Variants in CAMSAP3 observed in about 807,000 individuals in gnomAD.
CAMSAP3 encodes calmodulin regulated spectrin associated protein family member 3, also known as calmodulin-regulated spectrin-associated protein 3.
A neutral mutation model predicts 112.5 loss-of-function variants in CAMSAP3; 34 were observed. That is an observed-to-expected ratio of 0.30 (90% CI 0.23 to 0.40). CAMSAP3 has a LOEUF of 0.40. Ranked by LOEUF, CAMSAP3 falls within the 10% of genes least tolerant of loss-of-function variation. The pLI is 1.00. For synonymous variants in CAMSAP3, 868 were observed against 799.8 expected, an observed-to-expected ratio of 1.09 and a Z score of -1.44; for missense variants, 1,602 against 1,770.3, an observed-to-expected ratio of 0.90 and a Z score of 1.71.
intron 2 of CAMSAP3, 115 bp from the exon 3 acceptor site, chr19:7,606,156 A>ACCCCCCCCCCC (rs57108239): frequency 1.8e-5 from 4 of 227,820 alleles, no homozygotes; most frequent in African/African-American, 1.3e-4. Context: ...CTCAAGCCCC[A>ACCCCCCCCCCC]CCCCCCCCGT....
intron 4 of CAMSAP3, 104 bp from the exon 5 acceptor site, chr19:7,608,022 C>T (rs1194112568): frequency 3.5e-5 from 49 of 1,419,564 alleles, no homozygotes; most frequent in Non-Finnish European, 4.6e-5. Flanking sequence ...CCCCAGCTTC[C>T]CGCCCCCTCA....
intron 4 of CAMSAP3, 36 bp downstream of exon 4, chr19:7,606,607 G>A (rs1157428655): frequency 2.0e-6 from 3 of 1,517,794 alleles, no homozygotes; most frequent in Non-Finnish European, 8.8e-7. Flanking sequence ...GAAGGATGGG[G>A]GACCGGAGAT....
chr19:7,612,544 T>A lies in CAMSAP3; in HGVS notation c.2051T>A (p.Phe684Tyr). The A allele has an allele frequency of 6.5e-7, 1 of 1,536,308 alleles. No homozygotes were observed. The highest frequency in any genetic ancestry group is 8.7e-7 in the Non-Finnish European group (1 of 1,145,418). ...ACCTCACGGCCCAAGGCAGTGACCT[T>A]CTCGCCAGACCTGGGCCCGGTGCCC... ...EPTSRPKAVT[F>Y]SPDLGPVPHE... The change falls in exon 11 of 17, where the codon TTC (phenylalanine) becomes TAC (tyrosine). Residue 684 changes from phenylalanine (F) to tyrosine (Y), a missense_variant. Physicochemically the swap from Phe to Tyr is conservative, Grantham distance 22 (BLOSUM62 3). Around this residue, in one of 6 missense-constraint regions of CAMSAP3, gnomAD observed 1,100 missense variants for 1,135.7 expected, o/e 0.97. Coordinates refer to ENST00000160298, the MANE Select transcript of CAMSAP3 (RefSeq NM_020902.2).
At chr19:7,602,203 T>C (rs1436985815) in intron 1 of CAMSAP3, among the ~76,000 whole-genome samples, 1 of 152,246 alleles carries the variant, frequency 6.6e-6, no homozygotes, top group Non-Finnish European at 1.5e-5. Context: ...AATGTACTAC[T>C]GACGTCTAGT....
At position 7,606,304 on chromosome 19, in the gene CAMSAP3, G is replaced by A. The variant is rs1456749327; in HGVS notation, c.436G>A (p.Ala146Thr). The A allele has an allele frequency of 6.2e-7, 1 of 1,613,748 alleles. No homozygotes were observed. Among genetic ancestry groups the A allele is most frequent in the Admixed American group, 1.7e-5 (1 of 60,022 alleles). ...CCTAGCTGTCATTGATGCCCTCATGGCTGCCTTTGCCTTCGAGTGGACAAA... is the reference window on the plus strand; with the variant it reads ...CCTAGCTGTCATTGATGCCCTCATGACTGCCTTTGCCTTCGAGTGGACAAA... Reference protein sequence around the residue: ...AHLAVIDALMAAFAFEWTKTL... With the variant: ...AHLAVIDALMTAFAFEWTKTL... Residue 146 changes from alanine (A) to threonine (T), a missense_variant, in exon 3 of 17, where the codon GCT becomes ACT. By Grantham distance (58) the Ala-to-Thr change is moderately conservative. Transcript: ENST00000160298.
At position 7,606,478 on chromosome 19, in the gene CAMSAP3, C is replaced by T. The variant is rs1179909578; in HGVS notation, c.528C>T (p.Thr176=). The change falls in exon 4 of 17, where the codon ACC becomes ACT. Residue 176 remains threonine (T), a splice_region_variant and synonymous_variant. Coordinates refer to ENST00000160298, the MANE Select transcript of CAMSAP3 (RefSeq NM_020902.2). ...CTGACCCCCTCCCTGCCCTCCAGAC[C>T]GTCCGGCGGCTGCAGGAGAAGACCG... ...EHKLLFWVDT[T]VRRLQEKTEQ... is the part of the protein sequence containing the mutation. 1.9e-6 allele frequency: 3 copies of T among 1,593,694 alleles called. No homozygotes were observed. The highest frequency in any genetic ancestry group is 3.4e-5 in the Admixed American group (2 of 57,998).
At position 7,612,061 on chromosome 19, in the gene CAMSAP3, C is replaced by T. The variant is rs2146171224; in HGVS notation, c.1568C>T (p.Pro523Leu). 6.2e-7 allele frequency: 1 copy of T among 1,610,426 alleles called. No individual in the cohort carries two copies. Among genetic ancestry groups the T allele is most frequent in the Non-Finnish European group, 8.5e-7 (1 of 1,177,824 alleles). Residue 523 changes from proline (P) to leucine (L), a missense_variant, in exon 11 of 17, where the codon CCC becomes CTC. Around this residue, in one of 6 missense-constraint regions of CAMSAP3, gnomAD observed 1,100 missense variants for 1,135.7 expected, o/e 0.97. Coordinates refer to ENST00000160298, the MANE Select transcript of CAMSAP3 (RefSeq NM_020902.2). ...AAAGCACCAGTGTACATGCCACACC[C>T]CGAGACCCCCTCGAAACCATCTCCC... ...PTKAPVYMPH[P>L]ETPSKPSPCL... is the part of the protein sequence containing the mutation.
intron 11 of CAMSAP3, chr19:7,614,845 CT>C: frequency 9.4e-6 from 4 of 425,640 alleles, no homozygotes; most frequent in Non-Finnish European, 8.7e-6. Flanking sequence ...TCTGGGAAGC[CT>C]TCCTGGGTGT....
At position 7,612,129 on chromosome 19, in the gene CAMSAP3, G is replaced by A. The variant is rs777825882; in HGVS notation, c.1636G>A (p.Gly546Arg). 11 of 1,612,592 alleles carry A rather than the reference G, an allele frequency of 6.8e-6. No homozygotes were observed. Among genetic ancestry groups the A allele is most frequent in the South Asian group, 6.6e-5 (6 of 91,080 alleles). ...ATCGAAACCGCCAGCCCCATCCGAGGGGTCCCCGAAGGCGGTGGCTTCGTC... is the reference window on the plus strand; with the variant it reads ...ATCGAAACCGCCAGCCCCATCCGAGAGGTCCCCGAAGGCGGTGGCTTCGTC... ...EASKPPAPSE[G>R]SPKAVASSPA... Residue 546 changes from glycine to arginine, a missense_variant, in exon 11 of 17, where the codon GGG becomes AGG. Around this residue, in one of 6 missense-constraint regions of CAMSAP3, gnomAD observed 1,100 missense variants for 1,135.7 expected, o/e 0.97. Coordinates refer to ENST00000160298, the MANE Select transcript of CAMSAP3 (RefSeq NM_020902.2).
rs1174797614 is a variant in CAMSAP3 at position 7,611,904 on chromosome 19, C to T, written c.1411C>T (p.Pro471Ser). 1 of 1,580,432 alleles carries T rather than the reference C, an allele frequency of 6.3e-7. No individual in the cohort carries two copies. The highest frequency in any genetic ancestry group is 8.6e-7 in the Non-Finnish European group (1 of 1,160,728). ...EALQIIHSAE[P>S]RLLPDGAADG... ...TCTGCAGATCATCCACAGTGCCGAG[C>T]CCCGGCTCCTCCCAGATGGGGCGGC... Residue 471 changes from proline to serine, a missense_variant, in exon 11 of 17, where the codon CCC (proline) becomes TCC (serine). By Grantham distance (74) the Pro-to-Ser change is moderately conservative. This residue lies in a region of CAMSAP3 where 1,100 missense variants were observed against 1,135.7 expected (regional missense o/e 0.97). Coordinates refer to ENST00000160298, the MANE Select transcript of CAMSAP3 (RefSeq NM_020902.2). The surrounding 1 kb of genome is among the most constrained non-coding windows in gnomAD (Gnocchi z 6.9).
chr19:7,602,124 G>T (rs2029996230), intron 1 of CAMSAP3, among the ~76,000 whole-genome samples: 1 of 152,164 alleles, frequency 6.6e-6, no homozygotes, highest in African/African-American at 2.4e-5. Context: ...CTCAACTGGT[G>T]ATGATTTTGA....
intron 5 of CAMSAP3, among the ~76,000 whole-genome samples, chr19:7,609,243 AG>A (rs1275277551): frequency 6.6e-6 from 1 of 150,392 alleles, no homozygotes; most frequent in Non-Finnish European, 1.5e-5. Flanking sequence ...GCTTGAACCC[AG>A]GAAGTGGAGG....
intron 1 of CAMSAP3, among the ~76,000 whole-genome samples, chr19:7,597,018 C>T (rs901280047): frequency 6.6e-6 from 1 of 152,170 alleles, no homozygotes; most frequent in Non-Finnish European, 1.5e-5. Context: ...TGGGCAGCTT[C>T]ACAACCCCAG....
chr19:7,616,954 T>TTTTTTTTG (rs2030839452), intron 14 of CAMSAP3, among the ~76,000 whole-genome samples: 1 of 124,380 alleles, frequency 8.0e-6, no homozygotes, highest in African/African-American at 3.0e-5. Context: ...TTTTTTTTTT[T>TTTTTTTTG]TTTTGTTTTT....
intron 11 of CAMSAP3, among the ~76,000 whole-genome samples, chr19:7,614,432 C>G (rs2030676009): frequency 6.6e-6 from 1 of 150,636 alleles, no homozygotes. Context: ...CTGCAACCTC[C>G]ACCTCCTGGG....
At chr19:7,602,350 T>C (rs62113379) in intron 1 of CAMSAP3, among the ~76,000 whole-genome samples, 30,125 of 152,140 alleles carry the variant, frequency 0.2, 3,117 homozygotes, top group Admixed American at 0.22. Flanking sequence ...AAGTGTCTGA[T>C]AAATGTCAGT....
At chr19:7,602,833 A>G (rs1361245208) in intron 1 of CAMSAP3, among the ~76,000 whole-genome samples, 2 of 148,552 alleles carry the variant, frequency 1.3e-5, no homozygotes, top group African/African-American at 2.5e-5. Context: ...AGCCCAGGCG[A>G]GATACGGGCC....
In CAMSAP3 at chr19:7,611,109, C is replaced by A. The variant is rs777181433; in HGVS notation, c.1064C>A (p.Thr355Asn). 4.3e-6 allele frequency: 7 copies of A among 1,613,660 alleles called. No homozygotes were observed. The highest frequency in any genetic ancestry group is 1.6e-4 in the Middle Eastern group (1 of 6,082). The change falls in exon 9 of 17, where the codon ACC becomes AAC. Residue 355 changes from threonine to asparagine, a missense_variant. This residue lies in a region of CAMSAP3 where 1,100 missense variants were observed against 1,135.7 expected (regional missense o/e 0.97). Coordinates refer to ENST00000160298, the MANE Select transcript of CAMSAP3 (RefSeq NM_020902.2). The surrounding 1 kb of genome is among the most constrained non-coding windows in gnomAD (Gnocchi z 6.9). ...NNSGSSSPVF[T>N]FRHPLLSSGG... Reference sequence around the variant, plus strand: ...TCTCCGTACAGTTCTCCTGTCTTCACCTTCCGCCACCCGCTTCTGTCATCT... The same window carrying A: ...TCTCCGTACAGTTCTCCTGTCTTCAACTTCCGCCACCCGCTTCTGTCATCT...
Position 7,612,825 on chromosome 19 carries a change from C to T in CAMSAP3, c.2332C>T (p.Pro778Ser). Reference protein sequence around the residue: ...RSPGPGPSQSPRSPKHTRPAE... With the variant: ...RSPGPGPSQSSRSPKHTRPAE... ...CCCTGGGCCCGGGCCCAGCCAGTCA[C>T]CCCGCAGCCCGAAACACACGCGGCC... The change falls in exon 11 of 17, where the codon CCC becomes TCC. Residue 778 changes from proline to serine, a missense_variant. Pro to Ser is a moderately conservative substitution (Grantham distance 74, BLOSUM62 -1). Around this residue, in one of 6 missense-constraint regions of CAMSAP3, gnomAD observed 1,100 missense variants for 1,135.7 expected, o/e 0.97. Transcript: ENST00000160298. 6.4e-7 allele frequency: 1 copy of T among 1,564,878 alleles called. No individual in the cohort carries two copies.
Sources: allele counts gnomAD v4.1 joint callset (sites outside exome capture counted in the v4.1 genomes callset), GRCh38; gene constraint gnomAD v4.1.1; regional missense constraint gnomAD v4.1.1; non-coding constraint Gnocchi (gnomAD v3.1); transcripts MANE v1.5; gene names NCBI Gene and HGNC (gene_info 2026-07-23, HGNC 2026-07-21).